Variants in TCF20 observed in about 807,000 individuals in gnomAD.
TCF20 encodes SPRE-binding protein.
A neutral mutation model predicts 148.6 loss-of-function variants in TCF20; 3 were observed. The ratio of observed to expected loss-of-function variants is 0.02; its 90% CI spans 0.01 to 0.05. The LOEUF is 0.05. Ranked by LOEUF, TCF20 falls within the 10% of genes least tolerant of loss-of-function variation. The pLI, the probability that TCF20 is intolerant of heterozygous loss-of-function variation, is 1.00. For missense variants in TCF20, 2,350 were observed against 2,429.3 expected (o/e 0.97, Z 0.69); for synonymous variants, 1,049 against 909.5 (o/e 1.15, Z -2.76).
intron 1 of TCF20, among the ~76,000 whole-genome samples, chr22:42,251,490 GTCT>G (rs1569186451): frequency 1.3e-5 from 1 of 77,446 alleles, no homozygotes; most frequent in African/African-American, 5.2e-5. Flanking sequence ...CCAAACAAGT[GTCT>G]TTTTTTTTTT....
chr22:42,172,019 GAGTA>G (rs1248692846), intron 3 of TCF20, among the ~76,000 whole-genome samples: 5 of 152,222 alleles, frequency 3.3e-5, no homozygotes, highest in African/African-American at 1.2e-4. Context: ...AAGCAGAAAA[GAGTA>G]AGACACTATG....
chr22:42,288,966 A>G (rs959135210), upstream of TCF20, among the ~76,000 whole-genome samples: 2 of 152,098 alleles, frequency 1.3e-5, no homozygotes, highest in Non-Finnish European at 2.9e-5. Flanking sequence ...CCTTCTCTGC[A>G]CCTCGGTTTC....
chr22:42,249,216 T>C (rs1420237694), intron 1 of TCF20, among the ~76,000 whole-genome samples: 1 of 152,224 alleles, frequency 6.6e-6, no homozygotes, highest in Non-Finnish European at 1.5e-5. Flanking sequence ...CACCATTAGC[T>C]TCCCTGGTTC....
intron 2 of TCF20, among the ~76,000 whole-genome samples, chr22:42,189,963 G>A: frequency 6.6e-6 from 1 of 152,216 alleles, no homozygotes; most frequent in Non-Finnish European, 1.5e-5. Context: ...GAGCGGAGCT[G>A]TCCACTGAAG....
At chr22:42,271,015 C>G (rs1926596972), upstream of TCF20, among the ~76,000 whole-genome samples, 1 of 152,106 alleles carries the variant, frequency 6.6e-6, no homozygotes, top group Non-Finnish European at 1.5e-5. Flanking sequence ...TCTGGAGTTC[C>G]CTGGAGCCTC....
intron 2 of TCF20, among the ~76,000 whole-genome samples, chr22:42,181,949 C>A (rs187602527): frequency 6.6e-6 from 1 of 151,992 alleles, no homozygotes; most frequent in Non-Finnish European, 1.5e-5. Context: ...ATTTTTCTTG[C>A]GCAGCCTCTG....
chr22:42,249,940 T>C (rs923151255), intron 1 of TCF20, among the ~76,000 whole-genome samples: 2 of 152,132 alleles, frequency 1.3e-5, no homozygotes, highest in African/African-American at 4.8e-5. Flanking sequence ...ACTGACTTCA[T>C]GTGTAAGCTC....
intron 1 of TCF20, among the ~76,000 whole-genome samples, chr22:42,318,527 G>A (rs546800756): frequency 9.9e-5 from 15 of 152,268 alleles, no homozygotes; most frequent in Non-Finnish European, 1.9e-4. Context: ...TCATTAAGAC[G>A]AAGAACAGAG....
At chr22:42,307,555 G>A (rs1021896017) in intron 1 of TCF20, among the ~76,000 whole-genome samples, 4 of 152,240 alleles carry the variant, frequency 2.6e-5, no homozygotes, top group African/African-American at 9.6e-5. Context: ...CCGGCCAAGG[G>A]CATGTACATT....
intron 3 of TCF20, among the ~76,000 whole-genome samples, chr22:42,170,447 C>CA (rs1437625105): frequency 2.0e-5 from 3 of 150,634 alleles, no homozygotes; most frequent in Non-Finnish European, 4.4e-5. Context: ...GTTCAGACTG[C>CA]AGTAAGCTAC....
At chr22:42,337,535 C>G (rs1471292421) in intron 1 of TCF20, among the ~76,000 whole-genome samples, 2 of 152,238 alleles carry the variant, frequency 1.3e-5, no homozygotes, top group African/African-American at 4.8e-5. Context: ...GCTCTTCCCC[C>G]TCTTCTCAGC....
At chr22:42,284,427 C>G (rs1926985728), upstream of TCF20, among the ~76,000 whole-genome samples, 1 of 152,200 alleles carries the variant, frequency 6.6e-6, no homozygotes, top group African/African-American at 2.4e-5. Flanking sequence ...CACCCAGCAC[C>G]TTAGGTGGTC....
Position 42,193,287 on chromosome 22 carries a change from A to G in TCF20, c.5656-13585T>C, listed in dbSNP as rs1413551491. Among the ~76,000 whole-genome samples the G allele has an allele frequency of 2.7e-5, 4 of 146,268 alleles. No individual in the cohort carries two copies. In the East Asian group the frequency reaches 6.0e-4, roughly 22 times the overall value. On this transcript the variant is annotated intron_variant, in intron 2 of 5. Transcript: ENST00000677622. ...ATACATCTCCTCCTCCTCCACCTAC[A>G]CTTTTTTTTTTTTTTGAGATAGGGT...
chr22:42,315,916 C>G (rs1004476714), intron 1 of TCF20, among the ~76,000 whole-genome samples: 1 of 151,874 alleles, frequency 6.6e-6, no homozygotes, highest in Non-Finnish European at 1.5e-5. Context: ...GAGTTTGAGA[C>G]CATCCTGGCC....
intron 1 of TCF20, among the ~76,000 whole-genome samples, chr22:42,226,879 A>T (rs1188497456): frequency 6.6e-6 from 1 of 152,224 alleles, no homozygotes; most frequent in East Asian, 1.9e-4. Flanking sequence ...TAGCAGAACA[A>T]ATGGTATAGC....
chr22:42,278,059 A>G (rs1402454315), intron 1 of TCF20: 2 of 152,248 alleles, frequency 1.3e-5, no homozygotes, highest in African/African-American at 4.8e-5. Context: ...TAGAAATTAC[A>G]AAGTTCAAGG....
chr22:42,177,146 G>A (rs890516900), intron 3 of TCF20, among the ~76,000 whole-genome samples: 2 of 152,184 alleles, frequency 1.3e-5, no homozygotes, highest in African/African-American at 4.8e-5. Context: ...TGGGCGCGGT[G>A]GCTCACGTCT....
At chr22:42,288,537 G>GAAAAA (rs397867980), upstream of TCF20, among the ~76,000 whole-genome samples, 1 of 73,448 alleles carries the variant, frequency 1.4e-5, no homozygotes, top group Admixed American at 1.6e-4. Context: ...TCCATCTCAG[G>GAAAAA]AAAAAAAAAA....
intron 1 of TCF20, among the ~76,000 whole-genome samples, chr22:42,257,170 A>G (rs1186889818): frequency 2.0e-5 from 3 of 152,190 alleles, no homozygotes; most frequent in Non-Finnish European, 4.4e-5. Context: ...AAAAATTAAA[A>G]TAAAACCCTC....
Sources: gnomAD v4.1 joint callset for allele counts (sites outside exome capture counted in the v4.1 genomes callset) on GRCh38, gnomAD v4.1.1 for gene constraint, MANE v1.5 for transcripts, NCBI Gene and HGNC (gene_info 2026-07-23, HGNC 2026-07-21) for gene names.